Variants in CACNA2D1 observed in about 807,000 individuals in gnomAD.
The protein encoded by CACNA2D1 is voltage-dependent calcium channel subunit alpha-2/delta-1.
A neutral mutation model predicts 171.5 loss-of-function variants in CACNA2D1; 53 were observed. The ratio of observed to expected loss-of-function variants is 0.31; its 90% CI spans 0.25 to 0.39. CACNA2D1 has a LOEUF of 0.39. CACNA2D1 is among the 10% of genes least tolerant of loss of function. The pLI is 1.00. For missense variants in CACNA2D1, 903 were observed against 1,299.8 expected (o/e 0.69, Z 4.69); for synonymous variants, 442 against 443.1 (o/e 1.00, Z 0.03).
chr7:82,162,539 T>C (rs1431529399), intron 4 of CACNA2D1, among the ~76,000 whole-genome samples: 3 of 152,042 alleles, frequency 2.0e-5, no homozygotes, highest in Admixed American at 6.6e-5. Flanking sequence ...ATTTCTTTAA[T>C]ATGTAAACAA....
At chr7:82,147,253 T>C (rs1584918718) in intron 4 of CACNA2D1, among the ~76,000 whole-genome samples, 1 of 152,248 alleles carries the variant, frequency 6.6e-6, no homozygotes, top group African/African-American at 2.4e-5. Flanking sequence ...CATTAAGAGC[T>C]ATATCAATTT....
chr7:82,413,842 A>C (rs576648199), intron 1 of CACNA2D1, among the ~76,000 whole-genome samples: 4 of 152,124 alleles, frequency 2.6e-5, no homozygotes. Flanking sequence ...ACACACATAT[A>C]TACTCACTAA....
intron 18 of CACNA2D1, among the ~76,000 whole-genome samples, chr7:82,002,830 G>A (rs571793024): frequency 3.3e-5 from 5 of 151,526 alleles, no homozygotes; most frequent in African/African-American, 7.3e-5. Context: ...TGAAAAGTCC[G>A]TAGCTATTTT....
chr7:82,029,323 G>T (rs1218685041), intron 12 of CACNA2D1: 3 of 151,660 alleles, frequency 2.0e-5, no homozygotes, highest in Non-Finnish European at 2.9e-5. Flanking sequence ...ACAATTAAGA[G>T]ACTACAGTAT....
chr7:82,283,484 G>A (rs1328126806), intron 3 of CACNA2D1, among the ~76,000 whole-genome samples: 1 of 152,174 alleles, frequency 6.6e-6, no homozygotes, highest in African/African-American at 2.4e-5. Flanking sequence ...TAGCATAAAT[G>A]TTGATAGAGT....
chr7:82,012,164 A>G lies in CACNA2D1; in HGVS notation c.1352T>C (p.Leu451Pro). The G allele has an allele frequency of 6.3e-7, 1 of 1,582,884 alleles. No individual in the cohort carries two copies. Among genetic ancestry groups the G allele is most frequent in the Non-Finnish European group, 8.7e-7 (1 of 1,151,902 alleles). Residue 451 changes from leucine to proline, a missense_variant, in exon 15 of 39, where the codon CTG becomes CCG. This residue lies in a region of CACNA2D1 where 623 missense variants were observed against 925.5 expected (regional missense o/e 0.67). Transcript: ENST00000356860. Reference sequence around the variant, plus strand: ...AGCTCAACCTCTTACCAATGCATCCAGGTACACATTTGTCCATTGGACTTG... The same window carrying G: ...AGCTCAACCTCTTACCAATGCATCCGGGTACACATTTGTCCATTGGACTTG... The part of the protein sequence containing the change: ...AKQVQWTNVY[L>P]DALELGLVIT...
chr7:82,388,898 T>C (rs1824748664), intron 1 of CACNA2D1, among the ~76,000 whole-genome samples: 1 of 151,832 alleles, frequency 6.6e-6, no homozygotes, highest in African/African-American at 2.4e-5. Context: ...GGCGGATGAC[T>C]GGAGGCAGGG....
chr7:82,059,990 C>T (rs1231080636), intron 10 of CACNA2D1, among the ~76,000 whole-genome samples: 1 of 32,748 alleles, frequency 3.1e-5, no homozygotes, highest in African/African-American at 1.0e-4. Context: ...ACACCAGGGC[C>T]TGTTGTGGGG....
In CACNA2D1 at chr7:81,968,939, C is replaced by T. The variant is rs1794983560; in HGVS notation, c.2343G>A (p.Met781Ile). The change falls in exon 29 of 39, where the codon ATG (methionine) becomes ATA (isoleucine). Residue 781 changes from methionine to isoleucine, a missense_variant. Physicochemically the swap from Met to Ile is conservative, Grantham distance 10. Transcript: ENST00000356860. Reference sequence around the variant, plus strand: ...TATATATTTCTACAGCTTTGCTTACCATAATGCCCGATTCATAGGCACCAG... The same window carrying T: ...TATATATTTCTACAGCTTTGCTTACTATAATGCCCGATTCATAGGCACCAG... The part of the protein sequence containing the change: ...SGPGAYESGI[M>I]VSKAVEIYIQ... 2 of 1,594,432 alleles carry T rather than the reference C, an allele frequency of 1.3e-6. No homozygotes were observed. The highest frequency in any genetic ancestry group is 1.7e-6 in the Non-Finnish European group (2 of 1,164,766).
chr7:82,074,182 A>C (rs1808674524), intron 7 of CACNA2D1, among the ~76,000 whole-genome samples: 1 of 152,144 alleles, frequency 6.6e-6, no homozygotes, highest in South Asian at 2.1e-4. Flanking sequence ...AGCTTGTATA[A>C]TTCACCAGAC....
chr7:82,047,463 T>A (rs566120581), intron 10 of CACNA2D1, among the ~76,000 whole-genome samples: 1 of 152,132 alleles, frequency 6.6e-6, no homozygotes, highest in East Asian at 1.9e-4. Context: ...ACAATAAGAA[T>A]GGCATACATA....
chr7:81,963,963 T>G, intron 34 of CACNA2D1, 93 bp downstream of exon 34: 4 of 998,454 alleles, frequency 4.0e-6, no homozygotes, highest in Non-Finnish European at 6.2e-6. Flanking sequence ...TAATAAAAAT[T>G]TGAATATCCC....
intron 6 of CACNA2D1, among the ~76,000 whole-genome samples, chr7:82,095,262 C>T (rs919220013): frequency 6.6e-6 from 1 of 152,122 alleles, no homozygotes; most frequent in Non-Finnish European, 1.5e-5. Flanking sequence ...GGGTGTTCCT[C>T]GATTTTCCCC....
intron 1 of CACNA2D1, among the ~76,000 whole-genome samples, chr7:82,429,541 C>G (rs963555111): frequency 6.6e-6 from 1 of 152,138 alleles, no homozygotes; most frequent in African/African-American, 2.4e-5. Context: ...GACTTGCAAC[C>G]TTCAAATGGC....
At chr7:82,104,651 C>T (rs1405756348) in intron 6 of CACNA2D1, among the ~76,000 whole-genome samples, 1 of 151,952 alleles carries the variant, frequency 6.6e-6, no homozygotes, top group Non-Finnish European at 1.5e-5. Context: ...TTACTTCTTC[C>T]CTGACTTTTC....
At chr7:82,308,189 C>T (rs1813969903) in intron 3 of CACNA2D1, among the ~76,000 whole-genome samples, 1 of 152,140 alleles carries the variant, frequency 6.6e-6, no homozygotes, top group African/African-American at 2.4e-5. Flanking sequence ...TTGATTCTTC[C>T]CCTCCTTTGC....
At chr7:82,141,495 T>C (rs370218585) in intron 4 of CACNA2D1, among the ~76,000 whole-genome samples, 5 of 152,304 alleles carry the variant, frequency 3.3e-5, no homozygotes, top group Admixed American at 1.3e-4. Flanking sequence ...TTAGACTTTG[T>C]ACAGGGAGAT....
At chr7:82,051,328 G>A (rs1805174613) in intron 10 of CACNA2D1, among the ~76,000 whole-genome samples, 1 of 152,046 alleles carries the variant, frequency 6.6e-6, no homozygotes, top group African/African-American at 2.4e-5. Flanking sequence ...CTTCACTTTT[G>A]ACTTTGTACT....
chr7:82,407,711 T>C (rs1827205850), intron 1 of CACNA2D1, among the ~76,000 whole-genome samples: 1 of 152,192 alleles, frequency 6.6e-6, no homozygotes, highest in African/African-American at 2.4e-5. Context: ...GTGTATTAAA[T>C]AAGAGTTCTC....
Sources: allele counts gnomAD v4.1 joint callset (sites outside exome capture counted in the v4.1 genomes callset), GRCh38; gene constraint gnomAD v4.1.1; regional missense constraint gnomAD v4.1.1; transcripts MANE v1.5; gene names NCBI Gene and HGNC (gene_info 2026-07-23, HGNC 2026-07-21).